GRB10: variants seen among roughly 807,000 people sequenced by gnomAD.
The protein encoded by GRB10 is growth factor receptor-bound protein 10.
GRB10 carries 20 observed loss-of-function variants against 80.9 expected under a neutral mutation model. The ratio of observed to expected loss-of-function variants is 0.25; its 90% CI spans 0.17 to 0.36. GRB10 has a LOEUF of 0.36. Among genes scored for constraint, GRB10 ranks in the 10% least tolerant of loss-of-function variants. GRB10 has a pLI of 1.00. For missense variants in GRB10, 548 were observed against 747.7 expected, an observed-to-expected ratio of 0.73 and a Z score of 3.12; for synonymous variants, 291 against 291.5, an observed-to-expected ratio of 1.00 and a Z score of 0.02.
chr7:50,619,529 C>T (rs1397293461), intron 8 of GRB10, among the ~76,000 whole-genome samples: 1 of 152,156 alleles, frequency 6.6e-6, no homozygotes, highest in African/African-American at 2.4e-5. Context: ...TTGAATTTGG[C>T]ATCAACCAGA....
At chr7:50,721,165 G>A (rs1160804253) in intron 4 of GRB10, among the ~76,000 whole-genome samples, 2 of 152,192 alleles carry the variant, frequency 1.3e-5, no homozygotes, top group East Asian at 1.9e-4. Context: ...CCCTTATCCT[G>A]GTTTTACTTT....
At chr7:50,677,829 ACACACGTG>A (rs1464527368) in intron 5 of GRB10, among the ~76,000 whole-genome samples, 1 of 152,224 alleles carries the variant, frequency 6.6e-6, no homozygotes, top group Non-Finnish European at 1.5e-5. Context: ...TCTCAATGCC[ACACACGTG>A]CACACGTGCG....
intron 16 of GRB10, 52 bp from the exon 17 acceptor site, chr7:50,604,137 GCTTCCCTGACAGCACAACCAA>G (rs1198422739): frequency 6.7e-7 from 1 of 1,483,806 alleles, no homozygotes; most frequent in Admixed American, 1.7e-5. Flanking sequence ...CTGCAGAATG[GCTTCCCTGACAGCACAACCAA>G]CTCTGATCAA....
intron 5 of GRB10, among the ~76,000 whole-genome samples, chr7:50,683,169 G>A (rs984944044): frequency 1.3e-5 from 2 of 152,276 alleles, no homozygotes; most frequent in African/African-American, 4.8e-5. Flanking sequence ...CCTCTGAAAC[G>A]CACTAGAACT....
upstream of GRB10, among the ~76,000 whole-genome samples, chr7:50,783,085 C>G (rs1000343196): frequency 2.0e-5 from 3 of 152,230 alleles, no homozygotes; most frequent in African/African-American, 4.8e-5. Context: ...CTGACGATGC[C>G]GAAAGCCCTC....
At chr7:50,740,431 TAC>T (rs1187996378) in intron 3 of GRB10, among the ~76,000 whole-genome samples, 3 of 152,260 alleles carry the variant, frequency 2.0e-5, no homozygotes, top group African/African-American at 7.2e-5. Context: ...GGGTAAGTTG[TAC>T]AATTAATGAT....
chr7:50,678,908 T>C lies in GRB10; in HGVS notation c.140-4250A>G, dbSNP rs370651357. On this transcript the variant is annotated intron_variant, in intron 5 of 18. Coordinates refer to ENST00000401949, the MANE Select transcript of GRB10 (RefSeq NM_001350814.2). ...GAAGTGGGAGAAACAAGTAAACAAA[T>C]GCTTCTCGCAGTGAATATTCAGATT... 6.8e-4 allele frequency among the ~76,000 whole-genome samples: 103 copies of C among 152,346 alleles called. 1 individual carries two copies. In the South Asian group the frequency reaches 0.02, roughly 30 times the overall value.
intron 17 of GRB10, among the ~76,000 whole-genome samples, chr7:50,596,643 GTTC>G (rs1185127220): frequency 6.6e-6 from 1 of 152,194 alleles, no homozygotes; most frequent in Non-Finnish European, 1.5e-5. Context: ...AGAAGTTCTT[GTTC>G]TTAGAAATTT....
At chr7:50,687,978 T>C (rs976987396) in intron 5 of GRB10, among the ~76,000 whole-genome samples, 1 of 152,244 alleles carries the variant, frequency 6.6e-6, no homozygotes, top group Non-Finnish European at 1.5e-5. Context: ...CAGTGTATGC[T>C]GGTGAAAAAG....
intron 7 of GRB10, among the ~76,000 whole-genome samples, chr7:50,648,786 A>G (rs3819428): frequency 0.47 from 72,177 of 151,992 alleles, 17,310 homozygotes; most frequent in Middle Eastern, 0.56. Flanking sequence ...TGTTTGAAGT[A>G]GTCCCAGGTC....
intron 4 of GRB10, among the ~76,000 whole-genome samples, chr7:50,707,360 CG>C: frequency 1.3e-5 from 2 of 152,288 alleles, no homozygotes; most frequent in Middle Eastern, 6.8e-3. Flanking sequence ...ACCCTGCTCA[CG>C]TGTTATAATC....
At chr7:50,674,276 C>T (rs1275404355) in intron 6 of GRB10, among the ~76,000 whole-genome samples, 160 bp downstream of exon 6, 6 of 152,244 alleles carry the variant, frequency 3.9e-5, no homozygotes, top group Non-Finnish European at 5.9e-5. Context: ...ACACTGCACA[C>T]ACTCAGTGTA....
intron 7 of GRB10, among the ~76,000 whole-genome samples, chr7:50,640,643 A>C (rs1009221443): frequency 6.6e-6 from 1 of 152,222 alleles, no homozygotes; most frequent in Non-Finnish European, 1.5e-5. Context: ...TCTCAAACCT[A>C]TGAGGAGAGC....
At chr7:50,673,824 C>T (rs2060611930) in intron 6 of GRB10, among the ~76,000 whole-genome samples, 1 of 152,214 alleles carries the variant, frequency 6.6e-6, no homozygotes, top group Non-Finnish European at 1.5e-5. Context: ...TCTGCATCAT[C>T]TCTTCTGCTC....
Position 50,711,633 on chromosome 7 carries a change from C to T in GRB10, c.52-7725G>A, listed in dbSNP as rs534409819. Among the ~76,000 whole-genome samples, 33 of 152,328 alleles carry T rather than the reference C, an allele frequency of 2.2e-4. No individual in the cohort carries two copies. The South Asian group carries it at 6.8e-3, about 32-fold the overall frequency. The stretch of plus-strand genomic sequence containing the variant: ...TTGAAAGCGGAGGCATCACCCAGCT[C>T]ATCAGTTCCCTTCCAATGCCTGATA... On this transcript the variant is annotated intron_variant, in intron 4 of 18. Transcript: ENST00000401949.
At chr7:50,635,757 A>G (rs2054853508) in intron 7 of GRB10, among the ~76,000 whole-genome samples, 1 of 152,044 alleles carries the variant, frequency 6.6e-6, no homozygotes, top group South Asian at 2.1e-4. Flanking sequence ...GAACATCTCT[A>G]TCCACACAAA....
chr7:50,636,027 C>T (rs1427611593), intron 7 of GRB10, among the ~76,000 whole-genome samples: 1 of 117,708 alleles, frequency 8.5e-6, no homozygotes, highest in Non-Finnish European at 1.6e-5. Context: ...GGCTGGAGTG[C>T]AGTGCAGTGG....
chr7:50,659,887 T>G (rs1433674610), intron 7 of GRB10, among the ~76,000 whole-genome samples: 1 of 152,240 alleles, frequency 6.6e-6, no homozygotes, highest in African/African-American at 2.4e-5. Context: ...AGTTGAGAGT[T>G]CACTTAGGCG....
At chr7:50,659,423 G>A (rs1161196667) in intron 7 of GRB10, among the ~76,000 whole-genome samples, 1 of 152,078 alleles carries the variant, frequency 6.6e-6, no homozygotes, top group Non-Finnish European at 1.5e-5. Flanking sequence ...GCCTAGCCAA[G>A]CCCCCCTTTG....
Sources: gnomAD v4.1 joint callset for allele counts (sites outside exome capture counted in the v4.1 genomes callset) on GRCh38, gnomAD v4.1.1 for gene constraint, MANE v1.5 for transcripts, NCBI Gene and HGNC (gene_info 2026-07-23, HGNC 2026-07-21) for gene names.